The following TRAK1 variants were observed in gnomAD, a reference collection of about 807,000 sequenced individuals.
TRAK1 encodes trafficking kinesin protein 1, also known as trafficking kinesin-binding protein 1.
Under a neutral mutation model 92.1 loss-of-function variants are expected in TRAK1, and 33 were observed. The ratio of observed to expected loss-of-function variants is 0.36; its 90% confidence interval spans 0.27 to 0.48. TRAK1 has a LOEUF of 0.48. TRAK1 is among the 20% of genes least tolerant of loss of function. TRAK1 has a pLI of 0.99. For synonymous variants in TRAK1, 521 were observed against 517.3 expected (o/e 1.01, Z -0.10); for missense variants, 1,123 against 1,257.9 (o/e 0.89, Z 1.62).
upstream of TRAK1, among the ~76,000 whole-genome samples, chr3:42,090,227 A>C (rs552929267): frequency 1.3e-4 from 20 of 152,304 alleles, no homozygotes; most frequent in African/African-American, 4.8e-4. Flanking sequence ...TTTGTGGAGG[A>C]GGCGATGACC....
chr3:42,205,926 C>T (rs1410249589), intron 13 of TRAK1, among the ~76,000 whole-genome samples: 1 of 152,218 alleles, frequency 6.6e-6, no homozygotes, highest in East Asian at 1.9e-4. Context: ...ATGAAGTTTC[C>T]TCTCTTTCCT....
chr3:42,180,959 C>G (rs896658754), intron 3 of TRAK1, among the ~76,000 whole-genome samples: 1 of 152,112 alleles, frequency 6.6e-6, no homozygotes, highest in East Asian at 1.9e-4. Flanking sequence ...GATTACATTT[C>G]TGGTATAGAC....
chr3:42,097,202 C>T (rs147647382), intron 1 of TRAK1, among the ~76,000 whole-genome samples: 11 of 152,296 alleles, frequency 7.2e-5, no homozygotes, highest in Non-Finnish European at 1.3e-4. Flanking sequence ...ATAAATCCCA[C>T]GATTGATTTA....
chr3:42,037,938 G>GGTTC (rs1297099892), intron 1 of TRAK1, among the ~76,000 whole-genome samples: 1 of 152,204 alleles, frequency 6.6e-6, no homozygotes, highest in East Asian at 1.9e-4. Flanking sequence ...CTGGGTGAGG[G>GGTTC]GTTCGAGTCC....
chr3:42,113,891 T>C (rs1455365100), intron 1 of TRAK1, among the ~76,000 whole-genome samples: 1 of 152,236 alleles, frequency 6.6e-6, no homozygotes, highest in Non-Finnish European at 1.5e-5. Context: ...CAGTGGCGTT[T>C]AGTACATTCA....
At chr3:42,124,975 A>C (rs1326814143) in intron 1 of TRAK1, among the ~76,000 whole-genome samples, 1 of 152,222 alleles carries the variant, frequency 6.6e-6, no homozygotes, top group African/African-American at 2.4e-5. Flanking sequence ...TGAACAGATG[A>C]ATGAATAAAT....
At chr3:42,092,328 T>C (rs768671672) in intron 1 of TRAK1, among the ~76,000 whole-genome samples, 6 of 152,218 alleles carry the variant, frequency 3.9e-5, no homozygotes, top group Non-Finnish European at 8.8e-5. Flanking sequence ...AGTTAATTCC[T>C]GAGAGAAGTG....
At chr3:42,071,789 A>T (rs1703943880) in intron 1 of TRAK1, among the ~76,000 whole-genome samples, 1 of 150,038 alleles carries the variant, frequency 6.7e-6, no homozygotes, top group Admixed American at 6.7e-5. Context: ...GTGATGACAC[A>T]TGCAATGTGG....
intron 1 of TRAK1, among the ~76,000 whole-genome samples, chr3:42,021,759 T>G (rs1701728006): frequency 6.6e-6 from 1 of 152,130 alleles, no homozygotes; most frequent in South Asian, 2.1e-4. Flanking sequence ...GTATTTTTAG[T>G]AGAGACGGGT....
chr3:42,117,850 G>A (rs1273483037), intron 1 of TRAK1, among the ~76,000 whole-genome samples: 1 of 151,424 alleles, frequency 6.6e-6, no homozygotes, highest in Non-Finnish European at 1.5e-5. Flanking sequence ...ACTGAGTCTA[G>A]CTCTGTCATC....
rs1577086156 is a variant in TRAK1 at position 42,224,197 on chromosome 3, C to G, written c.*460C>G. The G allele has an allele frequency of 2.4e-6, 1 of 417,856 alleles. No individual in the cohort carries two copies. The highest frequency in any genetic ancestry group is 7.6e-5 in the East Asian group (1 of 13,166). 25.9% of individuals were successfully genotyped at this position (417,856 alleles called of 1,614,324 possible). A position where few individuals can be genotyped will look rare whatever the true frequency, so the allele number is the denominator to read the frequency against. On this transcript the variant is annotated 3_prime_UTR_variant, in exon 16 of 16. Coordinates refer to ENST00000327628, the MANE Select transcript of TRAK1 (RefSeq NM_001042646.3). The stretch of plus-strand genomic sequence containing the variant: ...CATCGGACACCTCACCTCGCCCACC[C>G]TGTAGGAGCGTAAGGAGCCTCCATC...
chr3:42,037,669 A>C (rs1702375080), intron 1 of TRAK1, among the ~76,000 whole-genome samples: 1 of 152,242 alleles, frequency 6.6e-6, no homozygotes. Context: ...GAACTTGCCA[A>C]GGGCTAAAGA....
At chr3:42,189,210 C>T (rs753367335) in intron 6 of TRAK1, 86 bp downstream of exon 6, 15 of 997,636 alleles carry the variant, frequency 1.5e-5, no homozygotes, top group Non-Finnish European at 2.3e-5. Context: ...TGGTTAAGTG[C>T]CCTCCTCAAA....
At chr3:42,073,011 G>T (rs1290424874) in intron 1 of TRAK1, among the ~76,000 whole-genome samples, 1 of 152,160 alleles carries the variant, frequency 6.6e-6, no homozygotes, top group African/African-American at 2.4e-5. Context: ...TTGTGTGTTC[G>T]TGGGCCTGAG....
intron 1 of TRAK1, among the ~76,000 whole-genome samples, chr3:42,064,944 G>T (rs988463030): frequency 6.6e-6 from 1 of 152,084 alleles, no homozygotes; most frequent in African/African-American, 2.4e-5. Flanking sequence ...TCCTAGCTAC[G>T]CAGGAGGTTC....
chr3:42,115,525 T>C (rs1238294118), intron 1 of TRAK1, among the ~76,000 whole-genome samples: 2 of 152,214 alleles, frequency 1.3e-5, no homozygotes, highest in African/African-American at 4.8e-5. Flanking sequence ...TGTGAGTAGA[T>C]GGTAACTCGG....
intron 14 of TRAK1, chr3:42,219,197 C>A (rs1213095832): frequency 2.0e-6 from 2 of 985,068 alleles, no homozygotes; most frequent in South Asian, 4.7e-5. Flanking sequence ...TACCCCACCC[C>A]CCTCGCCTCC....
chr3:42,170,637 G>A (rs1702421975), intron 2 of TRAK1, among the ~76,000 whole-genome samples: 1 of 152,220 alleles, frequency 6.6e-6, no homozygotes, highest in South Asian at 2.1e-4. Context: ...GAAAATTATA[G>A]AAAATTGACT....
At chr3:42,092,640 C>G (rs1576300446) in intron 1 of TRAK1, among the ~76,000 whole-genome samples, 1 of 150,402 alleles carries the variant, frequency 6.6e-6, no homozygotes, top group Non-Finnish European at 1.5e-5. Flanking sequence ...TGGGAGGACT[C>G]TTCATCAAAG....
Sources: allele counts gnomAD v4.1 joint callset (sites outside exome capture counted in the v4.1 genomes callset), GRCh38; gene constraint gnomAD v4.1.1; transcripts MANE v1.5; gene names NCBI Gene and HGNC (gene_info 2026-07-23, HGNC 2026-07-21).